DOK6: variants seen among roughly 807,000 people sequenced by gnomAD.
DOK6 encodes docking protein 6, also known as downstream of tyrosine kinase 6.
In DOK6, 22 loss-of-function variants were observed where a neutral mutation model predicts 44.0. The ratio of observed to expected loss-of-function variants is 0.50; its 90% CI spans 0.36 to 0.71. The LOEUF (loss-of-function observed/expected upper bound fraction) is 0.71. DOK6 is among the 30% of genes least tolerant of loss of function. The pLI is 0.00. For synonymous variants in DOK6, 166 were observed against 145.5 expected (o/e 1.14, Z -1.01); for missense variants, 340 against 416.4 (o/e 0.82, Z 1.60).
chr18:69,545,007 G>C, intron 1 of DOK6, among the ~76,000 whole-genome samples: 2 of 150,870 alleles, frequency 1.3e-5, no homozygotes, highest in East Asian at 3.9e-4. Flanking sequence ...TGTAATCCCA[G>C]CTACTCAGGA....
At chr18:69,804,607 A>C (rs927419273) in intron 7 of DOK6, among the ~76,000 whole-genome samples, 4 of 152,150 alleles carry the variant, frequency 2.6e-5, no homozygotes, top group African/African-American at 9.7e-5. Context: ...GTATTAACAA[A>C]ATTGTTATTT....
chr18:69,743,252 C>T (rs536861254), intron 6 of DOK6, among the ~76,000 whole-genome samples: 18 of 152,304 alleles, frequency 1.2e-4, no homozygotes, highest in South Asian at 2.1e-4. Context: ...TATTTGAACA[C>T]GATATGTTCA....
At chr18:69,642,343 TA>T (rs1466431202) in intron 3 of DOK6, among the ~76,000 whole-genome samples, 6 of 152,312 alleles carry the variant, frequency 3.9e-5, no homozygotes, top group African/African-American at 1.2e-4. Context: ...TATTTTATTT[TA>T]TTTTATTTTT....
chr18:69,438,919 A>C (rs902524783), intron 1 of DOK6, among the ~76,000 whole-genome samples: 1 of 152,098 alleles, frequency 6.6e-6, no homozygotes, highest in Non-Finnish European at 1.5e-5. Context: ...AAAACTACAA[A>C]AAAATAGCTG....
At chr18:69,655,754 C>G (rs1271402088) in intron 3 of DOK6, among the ~76,000 whole-genome samples, 3 of 102,080 alleles carry the variant, frequency 2.9e-5, no homozygotes, top group Non-Finnish European at 6.3e-5. Flanking sequence ...CTCCTTCCCC[C>G]ACCCCTCAAA....
Position 69,847,219 on chromosome 18 carries a change from AATC to A in DOK6, c.*5839_*5841del, listed in dbSNP as rs926006572. On this transcript the variant is annotated 3_prime_UTR_variant, in exon 8 of 8. Coordinates refer to ENST00000382713, the MANE Select transcript of DOK6 (RefSeq NM_152721.6). ...AAGAATGAATGGATTTAAATTTTCTAATCATTATTTTGGGCCCATGTTAGCAGT... is the reference window on the plus strand; with the variant it reads ...AAGAATGAATGGATTTAAATTTTCTAATTATTTTGGGCCCATGTTAGCAGT... The A allele has an allele frequency of 6.6e-6, 1 of 152,034 alleles. No homozygotes were observed. The allele number at this position is 152,034 out of a possible 1,614,324, so 9.4% of individuals were successfully genotyped here.
At chr18:69,422,800 A>G (rs1978529714) in intron 1 of DOK6, among the ~76,000 whole-genome samples, 1 of 152,168 alleles carries the variant, frequency 6.6e-6, no homozygotes. Flanking sequence ...ATTCCTCTTA[A>G]AATTTCCCAT....
chr18:69,607,034 T>C (rs1984015573), intron 3 of DOK6, among the ~76,000 whole-genome samples: 1 of 152,206 alleles, frequency 6.6e-6, no homozygotes, highest in Non-Finnish European at 1.5e-5. Context: ...CTGGGTCAGA[T>C]ACAATAATTT....
Position 69,757,900 on chromosome 18 carries a change from G to GA in DOK6, c.856+27_856+28insA, listed in dbSNP as rs1364016941. The GA allele has an allele frequency of 2.5e-6, 4 of 1,584,294 alleles. No homozygotes were observed. The Admixed American group carries it at 6.7e-5, about 26-fold the overall frequency. On this transcript the variant is annotated intron_variant, in intron 7 of 7. Coordinates refer to ENST00000382713, the MANE Select transcript of DOK6 (RefSeq NM_152721.6). The stretch of plus-strand genomic sequence containing the variant: ...CAAGTCACTTTAATGTAAGAAAGCA[G>GA]TGCCTCCATAAGCTTCCTCCAGGTG...
chr18:69,675,336 A>C (rs1043884561), intron 3 of DOK6, among the ~76,000 whole-genome samples: 2 of 152,206 alleles, frequency 1.3e-5, no homozygotes, highest in African/African-American at 4.8e-5. Context: ...TTACTGCTTA[A>C]AGAGAATATT....
chr18:69,768,398 A>G (rs897668669), intron 7 of DOK6, among the ~76,000 whole-genome samples: 6 of 151,832 alleles, frequency 4.0e-5, no homozygotes, highest in African/African-American at 1.2e-4. Context: ...ACTTCCCTCA[A>G]ACATGTATGT....
intron 2 of DOK6, among the ~76,000 whole-genome samples, chr18:69,583,868 G>A (rs1458559496): frequency 1.3e-5 from 2 of 152,104 alleles, no homozygotes; most frequent in Non-Finnish European, 2.9e-5. Flanking sequence ...CAGCACTTTG[G>A]GAGACCAAGG....
intron 7 of DOK6, among the ~76,000 whole-genome samples, chr18:69,815,786 C>T (rs1007596827): frequency 3.9e-5 from 6 of 152,056 alleles, no homozygotes; most frequent in African/African-American, 1.2e-4. Context: ...TACATACATA[C>T]ATGCACATAT....
intron 1 of DOK6, among the ~76,000 whole-genome samples, chr18:69,475,944 G>A (rs943177050): frequency 5.9e-5 from 9 of 152,014 alleles, no homozygotes; most frequent in African/African-American, 1.9e-4. Context: ...TTGTTACGTG[G>A]GTATACTGTG....
chr18:69,412,458 G>A (rs1362941364), intron 1 of DOK6, among the ~76,000 whole-genome samples: 2 of 151,994 alleles, frequency 1.3e-5, no homozygotes, highest in Non-Finnish European at 2.9e-5. Context: ...TGGCAAGACC[G>A]ACTCCCAGAG....
At chr18:69,711,341 G>T (rs1986752671) in intron 5 of DOK6, among the ~76,000 whole-genome samples, 1 of 152,094 alleles carries the variant, frequency 6.6e-6, no homozygotes, top group Admixed American at 6.5e-5. Flanking sequence ...GACGAACGAG[G>T]TAACATATTC....
In DOK6 at chr18:69,580,565, A is replaced by G. The variant is rs113452241; in HGVS notation, c.174+15971A>G. Among the ~76,000 whole-genome samples the G allele has an allele frequency of 2.2e-3, 333 of 152,288 alleles. 1 individual carries two copies. The highest frequency in any genetic ancestry group is 7.3e-3 in the African/African-American group (303 of 41,564). The stretch of plus-strand genomic sequence containing the variant: ...TATTATTTTCAATTGACACATAATA[A>G]TTGTACATATTTATGGGATACAGTG... On this transcript the variant is annotated intron_variant, in intron 2 of 7. Coordinates refer to ENST00000382713, the MANE Select transcript of DOK6 (RefSeq NM_152721.6).
intron 3 of DOK6, among the ~76,000 whole-genome samples, chr18:69,666,150 C>T (rs1327094679): frequency 1.3e-5 from 2 of 152,156 alleles, no homozygotes; most frequent in Admixed American, 6.6e-5. Context: ...GCAAACTGAG[C>T]AATTCTTTTT....
chr18:69,551,967 C>A (rs1171567552), intron 1 of DOK6, among the ~76,000 whole-genome samples: 1 of 152,188 alleles, frequency 6.6e-6, no homozygotes, highest in East Asian at 1.9e-4. Context: ...AGTTCACATA[C>A]TTGGCTATTC....
Sources: gnomAD v4.1 joint callset for allele counts (sites outside exome capture counted in the v4.1 genomes callset) on GRCh38, gnomAD v4.1.1 for gene constraint, MANE v1.5 for transcripts, NCBI Gene and HGNC (gene_info 2026-07-23, HGNC 2026-07-21) for gene names.